Variants in OCRL observed in about 807,000 individuals in gnomAD.
OCRL encodes the protein OCRL inositol polyphosphate-5-phosphatase.
Under a neutral mutation model 78.9 loss-of-function variants are expected in OCRL, and 8 were observed. The ratio of observed to expected loss-of-function variants is 0.10; its 90% CI spans 0.06 to 0.18. OCRL has a LOEUF of 0.18. Ranked by LOEUF, OCRL falls within the 10% of genes least tolerant of loss-of-function variation. The pLI is 1.00. For synonymous variants in OCRL, 240 were observed against 235.4 expected (o/e 1.02, Z -0.18); for missense variants, 454 against 696.7 (o/e 0.65, Z 3.92).
chrX:129,578,525 TA>T (rs1485999492), intron 18 of OCRL, among the ~76,000 whole-genome samples: 1 of 109,818 alleles, frequency 9.1e-6, no homozygotes, highest in East Asian at 2.8e-4. Context: ...CCCTTATTTT[TA>T]GTCAGAGTCA....
rs968400187 is a variant in OCRL at position 129,567,795 on chromosome X, A to G, written c.1466+432A>G. On this transcript the variant is annotated intron_variant, in intron 14 of 23. Transcript: ENST00000371113. ...GTTCTTCTAGCACCAGTAGCTCTCAATCCTTAAAAGACTTTAGAATCCCTT... is the reference window on the plus strand; with the variant it reads ...GTTCTTCTAGCACCAGTAGCTCTCAGTCCTTAAAAGACTTTAGAATCCCTT... Among the ~76,000 whole-genome samples, 82 of 111,934 alleles carry G rather than the reference A, an allele frequency of 7.3e-4. No homozygotes were observed. In the Admixed American group the frequency reaches 7.4e-3, roughly 10 times the overall value.
intron 12 of OCRL, among the ~76,000 whole-genome samples, chrX:129,562,992 A>G (rs1274392881): frequency 8.9e-6 from 1 of 112,265 alleles, no homozygotes; most frequent in East Asian, 2.8e-4. Context: ...AGATAGTTCT[A>G]TTAGTGGGGC....
chrX:129,579,581 C>T (rs1936415495), intron 18 of OCRL, among the ~76,000 whole-genome samples: 1 of 112,044 alleles, frequency 8.9e-6, no homozygotes, highest in Non-Finnish European at 1.9e-5. Context: ...ATTTTTCATC[C>T]TTCCAGCCCT....
At chrX:129,557,499 A>T (rs1464109293) in intron 5 of OCRL, 64 bp downstream of exon 5, 1 of 1,020,905 alleles carries the variant, frequency 9.8e-7, no homozygotes, top group Non-Finnish European at 1.4e-6. Flanking sequence ...TGACATGCTG[A>T]TACAGAGGAA....
chrX:129,557,163 G>A (rs1037552533), intron 4 of OCRL, among the ~76,000 whole-genome samples, 162 bp from the exon 5 acceptor site: 20 of 110,853 alleles, frequency 1.8e-4, no homozygotes, highest in African/African-American at 2.6e-4. Context: ...TTCCACCACC[G>A]TCATACTGAC....
rs1395450728 is a variant in OCRL at position 129,540,662 on chromosome X, G to GT, written c.40-82_40-81insT. 37 of 806,062 alleles carry GT rather than the reference G, an allele frequency of 4.6e-5. 1 individual carries two copies. The South Asian group carries it at 4.9e-4, about 11-fold the overall frequency. 66.4% of individuals were successfully genotyped at this position (806,062 alleles called of 1,213,427 possible). ...GCGGGGGAGGGCGGCGGTGGGGGGG[G>GT]GGTGGAAGACCCCCTTCGCCCCGCA... On this transcript the variant is annotated intron_variant, in intron 1 of 23. Coordinates refer to ENST00000371113, the MANE Select transcript of OCRL (RefSeq NM_000276.4).
intron 3 of OCRL, among the ~76,000 whole-genome samples, chrX:129,547,307 C>G (rs887457451): frequency 9.1e-6 from 1 of 110,043 alleles, no homozygotes; most frequent in Admixed American, 9.7e-5. Context: ...GGGCAGATCA[C>G]AAGGTCAGGA....
chrX:129,550,563 G>C (rs1935945475), intron 4 of OCRL, among the ~76,000 whole-genome samples: 1 of 110,907 alleles, frequency 9.0e-6, no homozygotes, highest in Non-Finnish European at 1.9e-5. Context: ...TTTAGGTTAA[G>C]TATTTCGTGG....
chrX:129,562,550 T>C, intron 11 of OCRL, 49 bp from the exon 12 acceptor site: 2 of 1,190,182 alleles, frequency 1.7e-6, no homozygotes, highest in African/African-American at 3.5e-5. Context: ...TCATGTAAAG[T>C]TCAGTTGCTT....
intron 5 of OCRL, among the ~76,000 whole-genome samples, 179 bp downstream of exon 5, chrX:129,557,614 T>TA (rs1429260225): frequency 9.0e-6 from 1 of 110,936 alleles, no homozygotes; most frequent in Non-Finnish European, 1.9e-5. Flanking sequence ...TGCCCAGCTT[T>TA]AAGGACACTA....
Position 129,558,822 on chromosome X carries a change from C to A in OCRL, c.561-18C>A. 8.3e-7 allele frequency: 1 copy of A among 1,211,725 alleles called. No homozygotes were observed. The highest frequency in any genetic ancestry group is 1.1e-6 in the Non-Finnish European group (1 of 895,274). On this transcript the variant is annotated intron_variant, in intron 7 of 23. Transcript: ENST00000371113. ...AGTTTAAACAATTTTACTTTTGAAT[C>A]TCTCATTTATTTGCTAGGCTTCCAC...
chrX:129,573,370 T>C (rs777266141), intron 15 of OCRL, among the ~76,000 whole-genome samples: 10 of 111,296 alleles, frequency 9.0e-5, no homozygotes, highest in African/African-American at 3.3e-4. Context: ...ACCTTAATGC[T>C]CTCCTTCCCC....
chrX:129,581,286 A>G (rs957935152), intron 18 of OCRL, among the ~76,000 whole-genome samples: 11 of 112,656 alleles, frequency 9.8e-5, no homozygotes, highest in African/African-American at 3.2e-4. Context: ...TTTGCATTGC[A>G]TTTGCTATGT....
chrX:129,563,408 CTTG>C (rs962732471), intron 12 of OCRL, among the ~76,000 whole-genome samples: 1 of 112,070 alleles, frequency 8.9e-6, no homozygotes, highest in African/African-American at 3.2e-5. Flanking sequence ...TTGATACTCA[CTTG>C]TTTTTTTTCT....
intron 14 of OCRL, among the ~76,000 whole-genome samples, chrX:129,568,079 A>T (rs1936245025): frequency 9.2e-6 from 1 of 109,261 alleles, no homozygotes; most frequent in South Asian, 4.0e-4. Flanking sequence ...ACGCCCGGCT[A>T]ATTTTTTGTA....
chrX:129,587,098 T>C lies in OCRL; in HGVS notation c.2236T>C (p.Phe746Leu). The C allele has an allele frequency of 8.5e-7, 1 of 1,182,983 alleles. No individual in the cohort carries two copies. Among genetic ancestry groups the C allele is most frequent in the Non-Finnish European group, 1.2e-6 (1 of 869,093 alleles). Residue 746 changes from phenylalanine (F) to leucine (L), a missense_variant, in exon 20 of 24, where the codon TTC becomes CTC. This residue lies in a region of OCRL where 277 missense variants were observed against 517.1 expected (regional missense o/e 0.54). Transcript: ENST00000371113. ...GATCTGGCTTCTAGTAGATCACCTA[T>C]TCAAATACGCCTGTCACCAGGTAAG... ...KEIWLLVDHL[F>L]KYACHQEDLF... is the part of the protein sequence containing the mutation.
intron 15 of OCRL, among the ~76,000 whole-genome samples, chrX:129,570,148 C>T (rs1801070652): frequency 8.9e-6 from 1 of 111,853 alleles, no homozygotes; most frequent in South Asian, 3.7e-4. Context: ...ATCTTGTAAT[C>T]ATGCTGATTT....
Position 129,590,204 on chromosome X carries a change from T to C in OCRL, c.2640T>C (p.Thr880=). ...CACCCAACCTTATGGCAAGACAGAC[T>C]CCAAGTGACCGCCAGCGTGCTATTC... The part of the protein sequence containing the change: ...RPPPNLMARQ[T]PSDRQRAIQF... The change falls in exon 24 of 24, where the codon ACT becomes ACC. Residue 880 remains threonine, a synonymous_variant. Transcript: ENST00000371113. 1 of 1,211,550 alleles carries C rather than the reference T, an allele frequency of 8.3e-7. No individual in the cohort carries two copies. Among genetic ancestry groups the C allele is most frequent in the East Asian group, 3.0e-5 (1 of 33,833 alleles).
chrX:129,570,483 G>A (rs1208039401), intron 15 of OCRL, among the ~76,000 whole-genome samples: 1 of 112,172 alleles, frequency 8.9e-6, no homozygotes, highest in Non-Finnish European at 1.9e-5. Context: ...GGGCTTCTGA[G>A]ATAGATATCA....
Sources: gnomAD v4.1 joint callset for allele counts (sites outside exome capture counted in the v4.1 genomes callset) on GRCh38, gnomAD v4.1.1 for gene constraint, gnomAD v4.1.1 regional missense constraint, MANE v1.5 for transcripts, NCBI Gene and HGNC (gene_info 2026-07-23, HGNC 2026-07-21) for gene names.